SEMA3A: variants seen among roughly 807,000 people sequenced by gnomAD.
The protein encoded by SEMA3A is semaphorin-3A.
In SEMA3A, 29 loss-of-function variants were observed where a neutral mutation model predicts 97.9. That is an observed-to-expected ratio of 0.30 (90% CI 0.22 to 0.40). SEMA3A has a LOEUF of 0.40. Ranked by LOEUF, SEMA3A falls within the 10% of genes least tolerant of loss-of-function variation. The probability of loss-of-function intolerance (pLI) is 1.00; values close to 1 mark genes in which losing one functional copy is unlikely to be tolerated. For synonymous variants in SEMA3A, 321 were observed against 323.7 expected, an observed-to-expected ratio of 0.99 and a Z score of 0.09; for missense variants, 763 against 951.3, an observed-to-expected ratio of 0.80 and a Z score of 2.60.
intron 1 of SEMA3A, among the ~76,000 whole-genome samples, chr7:84,161,487 T>C (rs537528722): frequency 6.6e-6 from 1 of 152,320 alleles, no homozygotes; most frequent in African/African-American, 2.4e-5. Flanking sequence ...TCAGGAGTCC[T>C]GGCTCTTCTA....
intron 3 of SEMA3A, among the ~76,000 whole-genome samples, chr7:84,277,141 A>T (rs1409845219): frequency 6.6e-6 from 1 of 152,132 alleles, no homozygotes. Context: ...GAGTCTTTGA[A>T]GATGATGATG....
intron 1 of SEMA3A, among the ~76,000 whole-genome samples, chr7:84,139,109 T>G (rs2116063739): frequency 6.6e-6 from 1 of 152,270 alleles, no homozygotes; most frequent in South Asian, 2.1e-4. Flanking sequence ...TGACATAAAC[T>G]GCTATGGGAA....
chr7:84,156,642 G>T (rs972697829), intron 1 of SEMA3A, among the ~76,000 whole-genome samples: 6 of 152,108 alleles, frequency 3.9e-5, no homozygotes, highest in Non-Finnish European at 5.9e-5. Flanking sequence ...ATGCATGCGA[G>T]TCTGTATACA....
intron 5 of SEMA3A, among the ~76,000 whole-genome samples, chr7:84,055,437 G>A (rs952483782): frequency 2.6e-5 from 4 of 152,188 alleles, no homozygotes; most frequent in African/African-American, 4.8e-5. Flanking sequence ...TCGGAAAAGG[G>A]CAGTATTCGG....
At chr7:84,046,715 GA>G (rs911986215) in intron 5 of SEMA3A, among the ~76,000 whole-genome samples, 1 of 151,998 alleles carries the variant, frequency 6.6e-6, no homozygotes, top group Admixed American at 6.6e-5. Context: ...CTGATTCAGT[GA>G]ATCTTGCTAA....
chr7:84,301,839 T>C (rs1302491565), intron 3 of SEMA3A, among the ~76,000 whole-genome samples: 3 of 152,150 alleles, frequency 2.0e-5, no homozygotes, highest in African/African-American at 7.2e-5. Context: ...CTCAGGGGAA[T>C]GTCAAATGGT....
chr7:84,287,210 C>T (rs1448904950), intron 3 of SEMA3A, among the ~76,000 whole-genome samples: 1 of 151,924 alleles, frequency 6.6e-6, no homozygotes, highest in African/African-American at 2.4e-5. Context: ...ATTTTTCAAG[C>T]TTTATTGAGG....
rs1412338014 is a variant in SEMA3A at position 83,960,133 on chromosome 7, AT to A, written c.*1237del. The A allele has an allele frequency of 3.3e-5, 5 of 152,192 alleles. No homozygotes were observed. The highest frequency in any genetic ancestry group is 3.3e-4 in the Admixed American group (5 of 15,278). 9.4% of individuals were successfully genotyped at this position (152,192 alleles called of 1,614,324 possible). A position where few individuals can be genotyped will look rare whatever the true frequency, so the allele number is the denominator to read the frequency against. ...CTTTAACATGTTGCTCTGAATAGTT[AT>A]TGATCTCTCTCTTTTAAAAAAATTA... On this transcript the variant is annotated 3_prime_UTR_variant, in exon 17 of 17. Transcript: ENST00000265362.
intron 3 of SEMA3A, among the ~76,000 whole-genome samples, chr7:84,287,859 TTTAATTTGACTAG>T (rs1427560596): frequency 6.6e-6 from 1 of 152,180 alleles, no homozygotes; most frequent in Non-Finnish European, 1.5e-5. Flanking sequence ...AGAAGGACTA[TTTAATTTGACTAG>T]TTAATTTTTA....
chr7:84,297,280 T>C (rs1800897114), intron 3 of SEMA3A, among the ~76,000 whole-genome samples: 1 of 152,034 alleles, frequency 6.6e-6, no homozygotes, highest in Non-Finnish European at 1.5e-5. Flanking sequence ...CCCAGCCGAG[T>C]TTTTAATCAC....
chr7:84,034,598 T>A (rs570563308), intron 6 of SEMA3A, among the ~76,000 whole-genome samples: 104 of 152,312 alleles, frequency 6.8e-4, no homozygotes, highest in African/African-American at 2.5e-3. Flanking sequence ...TTTACTTCTG[T>A]AAGACTGCCA....
At chr7:84,168,857 A>C (rs1797296469) in intron 1 of SEMA3A, among the ~76,000 whole-genome samples, 1 of 151,800 alleles carries the variant, frequency 6.6e-6, no homozygotes, top group Non-Finnish European at 1.5e-5. Flanking sequence ...CAGTATCTAA[A>C]TTTATCAGAT....
At chr7:84,452,631 T>C (rs1213279198) in intron 1 of SEMA3A, among the ~76,000 whole-genome samples, 1 of 152,182 alleles carries the variant, frequency 6.6e-6, no homozygotes, top group Non-Finnish European at 1.5e-5. Flanking sequence ...TAAAAAATAG[T>C]TTTAAAAGAG....
At chr7:84,341,079 C>G (rs1276381568) in intron 2 of SEMA3A, among the ~76,000 whole-genome samples, 3 of 152,058 alleles carry the variant, frequency 2.0e-5, no homozygotes, top group Non-Finnish European at 4.4e-5. Flanking sequence ...CAAAGAAAAA[C>G]AGATAAATGG....
intron 1 of SEMA3A, among the ~76,000 whole-genome samples, chr7:84,435,952 G>A (rs541033803): frequency 1.4e-4 from 21 of 152,192 alleles, no homozygotes; most frequent in East Asian, 1.9e-4. Flanking sequence ...TACAGTATCC[G>A]AAACAGCATG....
intron 1 of SEMA3A, among the ~76,000 whole-genome samples, chr7:84,392,118 ACT>A (rs759306622): frequency 1.4e-4 from 21 of 152,194 alleles, no homozygotes; most frequent in African/African-American, 2.2e-4. Context: ...TTTGAAATTT[ACT>A]CTTTTAGTGA....
intron 3 of SEMA3A, among the ~76,000 whole-genome samples, chr7:84,270,029 G>A (rs1481006240): frequency 6.6e-6 from 1 of 152,088 alleles, no homozygotes; most frequent in Non-Finnish European, 1.5e-5. Flanking sequence ...TGTTGAGCAA[G>A]TGTGGTTTAA....
At chr7:84,454,925 G>T (rs1456976363) in intron 1 of SEMA3A, among the ~76,000 whole-genome samples, 1 of 151,848 alleles carries the variant, frequency 6.6e-6, no homozygotes, top group African/African-American at 2.4e-5. Flanking sequence ...ATATTAACAA[G>T]TAGCACCTCA....
chr7:84,371,862 T>C (rs1802985585), exon 2 of SEMA3A: 1 of 152,106 alleles, frequency 6.6e-6, no homozygotes, highest in Non-Finnish European at 1.5e-5. Flanking sequence ...ATTCCCTTTG[T>C]TATGTTAGAC....
Sources: gnomAD v4.1 joint callset for allele counts (sites outside exome capture counted in the v4.1 genomes callset) on GRCh38, gnomAD v4.1.1 for gene constraint, MANE v1.5 for transcripts, NCBI Gene and HGNC (gene_info 2026-07-23, HGNC 2026-07-21) for gene names.